The following STAU2 variants were observed in gnomAD, a reference collection of about 807,000 sequenced individuals.
STAU2 encodes the protein staufen double-stranded RNA binding protein 2, also known as double-stranded RNA-binding protein Staufen homolog 2.
Under a neutral mutation model 65.9 loss-of-function variants are expected in STAU2, and 20 were observed. The ratio of observed to expected loss-of-function variants is 0.30; its 90% confidence interval spans 0.21 to 0.44. The LOEUF (loss-of-function observed/expected upper bound fraction) is 0.44, where lower values mean the gene tolerates loss of function less well. STAU2 is among the 20% of genes least tolerant of loss of function. The pLI is 1.00. For synonymous variants in STAU2, 232 were observed against 233.9 expected (o/e 0.99, Z 0.07); for missense variants, 558 against 683.9 (o/e 0.82, Z 2.05).
At chr8:73,560,109 C>G (rs1157752924) in intron 12 of STAU2, among the ~76,000 whole-genome samples, 2 of 121,900 alleles carry the variant, frequency 1.6e-5, no homozygotes, top group Non-Finnish European at 3.2e-5. Context: ...GAGACAGAGT[C>G]TCGCTCTGTC....
chr8:73,691,651 G>A (rs143940073), intron 4 of STAU2, among the ~76,000 whole-genome samples: 70 of 152,108 alleles, frequency 4.6e-4, no homozygotes, highest in African/African-American at 1.7e-3. Context: ...ATGATATGTG[G>A]ACAATATCAG....
At chr8:73,709,300 A>G in intron 3 of STAU2, 138 bp from the exon 4 acceptor site, 1 of 744,368 alleles carries the variant, frequency 1.3e-6, no homozygotes, top group East Asian at 2.9e-5. Flanking sequence ...CAAATTACCT[A>G]ATGTCTTCCA....
At chr8:73,431,397 A>G (rs1043446681) in intron 13 of STAU2, among the ~76,000 whole-genome samples, 2 of 152,222 alleles carry the variant, frequency 1.3e-5, no homozygotes, top group African/African-American at 4.8e-5. Flanking sequence ...AAAGCAATAA[A>G]TGTAGCTTCC....
intron 6 of STAU2, among the ~76,000 whole-genome samples, chr8:73,628,652 TC>T (rs951108419): frequency 2.0e-5 from 3 of 152,218 alleles, no homozygotes; most frequent in Non-Finnish European, 4.4e-5. Flanking sequence ...CTTCTATCTC[TC>T]CATTAAGTCC....
chr8:73,600,736 C>T (rs541561997), intron 10 of STAU2, among the ~76,000 whole-genome samples: 1 of 152,300 alleles, frequency 6.6e-6, no homozygotes, highest in South Asian at 2.1e-4. Flanking sequence ...CACCTTGTCT[C>T]TCCGTCTGCT....
At chr8:73,646,534 G>A (rs937728529) in intron 6 of STAU2, among the ~76,000 whole-genome samples, 3 of 152,074 alleles carry the variant, frequency 2.0e-5, no homozygotes, top group Non-Finnish European at 4.4e-5. Context: ...GCAAAAAACC[G>A]AAACAAAAAC....
At chr8:73,741,687 A>AT (rs1236274030) in intron 1 of STAU2, among the ~76,000 whole-genome samples, 3 of 151,822 alleles carry the variant, frequency 2.0e-5, no homozygotes, top group Admixed American at 1.3e-4. Context: ...TAATTTTTGT[A>AT]TTTTTTGTAG....
chr8:73,574,145 A>G (rs1809329928), intron 12 of STAU2, among the ~76,000 whole-genome samples: 1 of 152,262 alleles, frequency 6.6e-6, no homozygotes, highest in Non-Finnish European at 1.5e-5. Flanking sequence ...GCCAAAAGAC[A>G]CATGAAAAAA....
chr8:73,683,444 T>C lies in STAU2; in HGVS notation c.274+5210A>G, dbSNP rs985632526. 4.6e-5 allele frequency among the ~76,000 whole-genome samples: 7 copies of C among 152,152 alleles called. 1 individual carries two copies. Among genetic ancestry groups the C allele is most frequent in the Admixed American group, 4.6e-4 (7 of 15,264 alleles). ...ATTAAAACCCTCAGCAAAATCGGCATAGAAGGGACATACCTTAAGGTAATA... is the reference window on the plus strand; with the variant it reads ...ATTAAAACCCTCAGCAAAATCGGCACAGAAGGGACATACCTTAAGGTAATA... On this transcript the variant is annotated intron_variant, in intron 5 of 14. Transcript: ENST00000524300.
rs746185367 is a variant in STAU2, at chr8:73,738,334, C to T, written c.-68G>A. 1.3e-6 allele frequency: 2 copies of T among 1,583,600 alleles called. No homozygotes were observed. The highest frequency in any genetic ancestry group is 1.4e-5 in the African/African-American group (1 of 72,866). On this transcript the variant is annotated 5_prime_UTR_variant, in exon 3 of 15. Coordinates refer to ENST00000524300, the MANE Select transcript of STAU2 (RefSeq NM_001164380.2). ...CAATATTGACCAAACTGCTGTATCC[C>T]TCACGGCTCCAAAAACTGGAAAACG...
At chr8:73,512,505 G>C (rs1563394941) in intron 13 of STAU2, among the ~76,000 whole-genome samples, 3 of 151,922 alleles carry the variant, frequency 2.0e-5, no homozygotes, top group Admixed American at 6.6e-5. Context: ...TCTTTTTGAT[G>C]CTACTGTGAA....
upstream of STAU2, chr8:73,747,366 G>A: frequency 6.5e-7 from 1 of 1,535,306 alleles, no homozygotes; most frequent in South Asian, 1.2e-5. Context: ...CGCACCCTGT[G>A]CTCTGATTCC....
chr8:73,564,091 C>G (rs1279525287), intron 12 of STAU2, among the ~76,000 whole-genome samples: 1 of 152,148 alleles, frequency 6.6e-6, no homozygotes, highest in Non-Finnish European at 1.5e-5. Context: ...CGGGAGAGAG[C>G]ATTCCAGATC....
chr8:73,666,974 C>T (rs886357726), intron 6 of STAU2, among the ~76,000 whole-genome samples: 7 of 152,148 alleles, frequency 4.6e-5, no homozygotes, highest in African/African-American at 1.7e-4. Context: ...TAAAATGACT[C>T]CTAAATACTT....
At chr8:73,527,403 T>C (rs193213993) in intron 13 of STAU2, 59 of 265,244 alleles carry the variant, frequency 2.2e-4, no homozygotes, top group South Asian at 1.6e-3. Context: ...CTCTCATATA[T>C]AACTATTAAA....
intron 13 of STAU2, among the ~76,000 whole-genome samples, chr8:73,542,307 C>A (rs117256206): frequency 0.035 from 5,383 of 152,136 alleles, 266 homozygotes; most frequent in Admixed American, 0.13. Flanking sequence ...AACTCTTACC[C>A]CATACCATAC....
chr8:73,513,621 C>T (rs1043219931), intron 13 of STAU2, among the ~76,000 whole-genome samples: 7 of 152,032 alleles, frequency 4.6e-5, no homozygotes, highest in African/African-American at 1.5e-4. Context: ...ATCAAGGCTC[C>T]CTATCACTGT....
At chr8:73,613,607 G>T in intron 9 of STAU2, 137 bp downstream of exon 9, 1 of 556,116 alleles carries the variant, frequency 1.8e-6, no homozygotes, top group South Asian at 4.0e-5. Flanking sequence ...TTAATTTATA[G>T]TCACATGTCC....
intron 13 of STAU2, chr8:73,551,072 ACT>A (rs976488923): frequency 6.1e-6 from 6 of 986,956 alleles, no homozygotes; most frequent in Middle Eastern, 3.1e-4. Context: ...GAAGCAATAC[ACT>A]CTCTACACAC....
Sources: allele counts gnomAD v4.1 joint callset (sites outside exome capture counted in the v4.1 genomes callset), GRCh38; gene constraint gnomAD v4.1.1; transcripts MANE v1.5; gene names NCBI Gene and HGNC (gene_info 2026-07-23, HGNC 2026-07-21).